ADGRF4: variants seen among roughly 807,000 people sequenced by gnomAD.
The protein encoded by ADGRF4 is adhesion G protein-coupled receptor F4.
In ADGRF4, 63 loss-of-function variants were observed where a neutral mutation model predicts 58.5. That is an observed-to-expected ratio of 1.08 (90% confidence interval 0.88 to 1.33). ADGRF4 has a LOEUF of 1.33. ADGRF4 is among the 40% of genes most tolerant of loss of function. The probability of loss-of-function intolerance (pLI) is 0.00; values close to 1 mark genes in which losing one functional copy is unlikely to be tolerated. For synonymous variants in ADGRF4, 313 were observed against 295.4 expected, an observed-to-expected ratio of 1.06 and a Z score of -0.61; for missense variants, 931 against 843.9, an observed-to-expected ratio of 1.10 and a Z score of -1.28.
intron 1 of ADGRF4, among the ~76,000 whole-genome samples, chr6:47,704,322 C>T (rs1244583077): frequency 1.3e-5 from 2 of 152,100 alleles, no homozygotes; most frequent in Non-Finnish European, 2.9e-5. Flanking sequence ...TGAGCCACTG[C>T]ACCCGGCAGC....
rs371776298 is a variant in ADGRF4, at chr6:47,714,397, G to T, written c.1152G>T (p.Val384=). 12 of 1,614,004 alleles carry T rather than the reference G, an allele frequency of 7.4e-6. No individual in the cohort carries two copies. The African/African-American group carries it at 1.6e-4, about 22-fold the overall frequency. The change falls in exon 6 of 10, where the codon GTG becomes GTT. Residue 384 remains valine (V), a synonymous_variant. Coordinates refer to ENST00000283303, the MANE Select transcript of ADGRF4 (RefSeq NM_153838.5). The stretch of plus-strand genomic sequence containing the variant: ...GCCGCTGTAACTACACCAGTGTGGT[G>T]ATGTCTTTTTCCATTCTCATGTCCT... ...VKCRCNYTSV[V]MSFSILMSSK... is the part of the protein sequence containing the mutation.
chr6:47,717,382 G>A, intron 8 of ADGRF4, 31 bp downstream of exon 8: 2 of 1,479,544 alleles, frequency 1.4e-6, no homozygotes, highest in Non-Finnish European at 1.9e-6. Flanking sequence ...CTCAGCCCTG[G>A]AGAGTCCGTG....
intron 4 of ADGRF4, 94 bp from the exon 5 acceptor site, chr6:47,712,263 A>G: frequency 7.9e-7 from 1 of 1,263,860 alleles, no homozygotes. Flanking sequence ...TTCTCCATCT[A>G]CCTTACCCAT....
intron 1 of ADGRF4, among the ~76,000 whole-genome samples, chr6:47,705,896 T>A (rs1390293192): frequency 6.6e-6 from 1 of 152,244 alleles, no homozygotes; most frequent in Admixed American, 6.5e-5. Flanking sequence ...GACTTGTCTG[T>A]TACCCACTGA....
chr6:47,714,374 C>A lies in ADGRF4; in HGVS notation c.1129C>A (p.Arg377Ser), dbSNP rs148785579. 1 of 1,614,086 alleles carries A rather than the reference C, an allele frequency of 6.2e-7. No homozygotes were observed. The highest frequency in any genetic ancestry group is 1.7e-5 in the Admixed American group (1 of 60,012). Residue 377 changes from arginine (R) to serine (S), a missense_variant, in exon 6 of 10, where the codon CGC (arginine) becomes AGC (serine). Coordinates refer to ENST00000283303, the MANE Select transcript of ADGRF4 (RefSeq NM_153838.5). ...MLDIRNEVKC[R>S]CNYTSVVMSF... is the part of the protein sequence containing the mutation. ...GGATATCAGGAACGAAGTGAAATGC[C>A]GCTGTAACTACACCAGTGTGGTGAT...
rs755413337 is a variant in ADGRF4, at chr6:47,713,793, T to G, written c.553-5T>G. 7.2e-6 allele frequency: 11 copies of G among 1,523,024 alleles called. No individual in the cohort carries two copies. Among genetic ancestry groups the G allele is most frequent in the African/African-American group, 1.4e-5 (1 of 71,838 alleles). The allele number at this position is 1,523,024 out of a possible 1,614,324, so 94.3% of individuals were successfully genotyped here. On this transcript the variant is annotated splice_polypyrimidine_tract_variant and splice_region_variant and intron_variant, in intron 5 of 9. Transcript: ENST00000283303. ...TAGTATAATGTTCACCTTTCTCCAT[T>G]GCAGAGCTATAGTGAAGTGGCCAAC...
rs764604854 is a variant in ADGRF4, at chr6:47,710,824, C to CA, written c.245dup (p.Trp83ValfsTer6). On this transcript the variant is annotated frameshift_variant, in exon 4 of 10. Coordinates refer to ENST00000283303, the MANE Select transcript of ADGRF4 (RefSeq NM_153838.5). LOFTEE classifies it high-confidence loss of function. The stretch of plus-strand genomic sequence containing the variant: ...TGGAGAAATAGGATTTACATGTAAT[C>CA]AAAAAAAGTGGCAAAAATCAGCTGA... 6.2e-6 allele frequency: 10 copies of CA among 1,613,554 alleles called. No homozygotes were observed. Among genetic ancestry groups the CA allele is most frequent in the Non-Finnish European group, 8.5e-6 (10 of 1,179,810 alleles).
chr6:47,720,353 G>A (rs758658616), intron 9 of ADGRF4, among the ~76,000 whole-genome samples: 8 of 152,144 alleles, frequency 5.3e-5, no homozygotes, highest in Non-Finnish European at 1.0e-4. Flanking sequence ...ATAGAGGATC[G>A]AAGGCTGACA....
intron 1 of ADGRF4, among the ~76,000 whole-genome samples, chr6:47,704,004 G>T (rs1771648151): frequency 6.6e-6 from 1 of 151,560 alleles, no homozygotes. Flanking sequence ...AAAGGTAATG[G>T]ACAGTAAACA....
intron 1 of ADGRF4, among the ~76,000 whole-genome samples, chr6:47,703,562 G>A (rs889102646): frequency 2.6e-5 from 4 of 151,964 alleles, no homozygotes; most frequent in Non-Finnish European, 4.4e-5. Context: ...TTGTAATATC[G>A]GAAGGAAATT....
intron 1 of ADGRF4, 97 bp from the exon 2 acceptor site, chr6:47,707,133 C>T: frequency 1.4e-6 from 1 of 739,668 alleles, no homozygotes; most frequent in Non-Finnish European, 2.5e-6. Flanking sequence ...CTCAGAGTAT[C>T]TAGTGGGTTC....
intron 3 of ADGRF4, among the ~76,000 whole-genome samples, chr6:47,709,289 T>C (rs560891505): frequency 1.4e-3 from 207 of 152,372 alleles, no homozygotes; most frequent in African/African-American, 4.7e-3. Flanking sequence ...CTGAAGTGCA[T>C]GCACTCTGAC....
intron 1 of ADGRF4, among the ~76,000 whole-genome samples, chr6:47,702,130 C>T (rs983542090): frequency 1.3e-5 from 2 of 152,210 alleles, no homozygotes; most frequent in South Asian, 2.1e-4. Context: ...TGAACCACTG[C>T]GCCTGGCCTA....
Position 47,703,092 on chromosome 6 carries a change from TACATATAG to T in ADGRF4, c.-16-4133_-16-4126del, listed in dbSNP as rs1390645135. ...CTCATCCTTTCAGGAGACCACTCAC[TACATATAG>T]ACATGTGCTAGGTGCTGGAGAGATA... On this transcript the variant is annotated intron_variant, in intron 1 of 9. Transcript: ENST00000283303. Among the ~76,000 whole-genome samples, 3 of 152,346 alleles carry T rather than the reference TACATATAG, an allele frequency of 2.0e-5. No homozygotes were observed. In the East Asian group the frequency reaches 5.8e-4, roughly 29 times the overall value.
chr6:47,703,713 G>A (rs763357340), intron 1 of ADGRF4, among the ~76,000 whole-genome samples: 6 of 152,116 alleles, frequency 3.9e-5, no homozygotes, highest in Non-Finnish European at 8.8e-5. Flanking sequence ...TTATGGTCAC[G>A]CTTATGATTT....
chr6:47,712,472 G>GC lies in ADGRF4; in HGVS notation c.420dup (p.Phe141LeufsTer2). ...GTAGCTCAAGGAATCCGTAAGAACT[G>GC]CCCCTTTGATTATGCCTGCATCACT... On this transcript the variant is annotated frameshift_variant, in exon 5 of 10. Coordinates refer to ENST00000283303, the MANE Select transcript of ADGRF4 (RefSeq NM_153838.5). LOFTEE classifies it high-confidence loss of function. 1 of 1,614,050 alleles carries GC rather than the reference G, an allele frequency of 6.2e-7. No individual in the cohort carries two copies. The highest frequency in any genetic ancestry group is 1.1e-5 in the South Asian group (1 of 91,082).
intron 4 of ADGRF4, 113 bp from the exon 5 acceptor site, chr6:47,712,244 A>G: frequency 9.9e-7 from 1 of 1,013,412 alleles, no homozygotes. Context: ...ACTTTTTAGG[A>G]CTCTTTGCTT....
intron 1 of ADGRF4, among the ~76,000 whole-genome samples, chr6:47,704,786 A>G (rs1442262255): frequency 2.6e-5 from 4 of 152,246 alleles, no homozygotes; most frequent in African/African-American, 9.6e-5. Flanking sequence ...AAGTATTTTT[A>G]CATAAAAATC....
intron 1 of ADGRF4, among the ~76,000 whole-genome samples, chr6:47,706,084 A>G (rs1265467245): frequency 6.6e-6 from 1 of 152,236 alleles, no homozygotes; most frequent in Non-Finnish European, 1.5e-5. Flanking sequence ...AGATTATAGT[A>G]TAGTTCTTGC....
Sources: allele counts gnomAD v4.1 joint callset (sites outside exome capture counted in the v4.1 genomes callset), GRCh38; gene constraint gnomAD v4.1.1; transcripts MANE v1.5; gene names NCBI Gene and HGNC (gene_info 2026-07-23, HGNC 2026-07-21).